Variants in NCBP3 observed in about 807,000 individuals in gnomAD.
NCBP3 encodes the protein nuclear cap-binding protein subunit 3.
A neutral mutation model predicts 75.7 loss-of-function variants in NCBP3; 20 were observed. That is an observed-to-expected ratio of 0.26 (90% CI 0.19 to 0.38). The LOEUF is 0.38. Ranked by LOEUF, NCBP3 falls within the 10% of genes least tolerant of loss-of-function variation. NCBP3 has a pLI of 1.00. For missense variants in NCBP3, 678 were observed against 796.9 expected, an observed-to-expected ratio of 0.85 and a Z score of 1.80; for synonymous variants, 293 against 290.5, an observed-to-expected ratio of 1.01 and a Z score of -0.09.
chr17:3,829,789 C>G (rs1232482494), intron 3 of NCBP3, among the ~76,000 whole-genome samples: 1 of 152,044 alleles, frequency 6.6e-6, no homozygotes, highest in Non-Finnish European at 1.5e-5. Flanking sequence ...CTGCCCGTGA[C>G]TATGTCAAAG....
chr17:3,810,265 G>C lies in NCBP3; in HGVS notation c.*2779C>G, dbSNP rs1001666995. On this transcript the variant is annotated 3_prime_UTR_variant, in exon 13 of 13. Transcript: ENST00000389005. ...GCTGCTGTACAAATGCAGCTGGAAAGGGCAGTGGCTGAAGAACGGAGAGGG... is the reference window on the plus strand; with the variant it reads ...GCTGCTGTACAAATGCAGCTGGAAACGGCAGTGGCTGAAGAACGGAGAGGG... 6.6e-6 allele frequency: 1 copy of C among 152,302 alleles called. No individual in the cohort carries two copies. The highest frequency in any genetic ancestry group is 1.5e-5 in the Non-Finnish European group (1 of 68,100). 9.4% of individuals were successfully genotyped at this position (152,302 alleles called of 1,614,324 possible). A position where few individuals can be genotyped will look rare whatever the true frequency, so the allele number is the denominator to read the frequency against.
At chr17:3,819,999 T>C (rs1597397099) in intron 9 of NCBP3, among the ~76,000 whole-genome samples, 1 of 152,294 alleles carries the variant, frequency 6.6e-6, no homozygotes. Context: ...GTCGCCCAGG[T>C]TGGAATACAG....
intron 3 of NCBP3, among the ~76,000 whole-genome samples, chr17:3,832,578 C>T (rs2053902955): frequency 6.8e-6 from 1 of 147,516 alleles, no homozygotes; most frequent in Admixed American, 6.8e-5. Flanking sequence ...TTGCAGTGAG[C>T]CGAGATCGCA....
rs1315785522 is a variant in NCBP3, at chr17:3,811,470, C to T, written c.*1574G>A. 6.6e-6 allele frequency: 1 copy of T among 152,222 alleles called. No homozygotes were observed. Among genetic ancestry groups the T allele is most frequent in the Non-Finnish European group, 1.5e-5 (1 of 68,052 alleles). The allele number at this position is 152,222 out of a possible 1,614,324, so 9.4% of individuals were successfully genotyped here. A position where few individuals can be genotyped will look rare whatever the true frequency, so the allele number is the denominator to read the frequency against. On this transcript the variant is annotated 3_prime_UTR_variant, in exon 13 of 13. Transcript: ENST00000389005. ...ATCATGGTTATATCCTCTAATCTCT[C>T]TAAAGGGAGGGAGAAAAAGCAAGGT...
intron 11 of NCBP3, 37 bp downstream of exon 11, chr17:3,816,079 T>C: frequency 6.3e-7 from 1 of 1,593,464 alleles, no homozygotes. Flanking sequence ...TTTCCGGAGC[T>C]CAGAATCCAG....
At chr17:3,831,060 C>T (rs772609516) in intron 3 of NCBP3, among the ~76,000 whole-genome samples, 4 of 151,312 alleles carry the variant, frequency 2.6e-5, no homozygotes, top group Admixed American at 1.3e-4. Flanking sequence ...TACAGGCATG[C>T]GCCACCACGC....
chr17:3,835,289 T>C (rs1057146597), intron 3 of NCBP3, among the ~76,000 whole-genome samples: 4 of 152,238 alleles, frequency 2.6e-5, no homozygotes, highest in African/African-American at 9.6e-5. Context: ...AAGACCTAAG[T>C]GCTTTGGCTG....
chr17:3,803,615 G>A lies in NCBP3; in HGVS notation c.*9429C>T, dbSNP rs1199804684. On this transcript the variant is annotated 3_prime_UTR_variant, in exon 13 of 13. Coordinates refer to ENST00000389005, the MANE Select transcript of NCBP3 (RefSeq NM_001114118.3). The stretch of plus-strand genomic sequence containing the variant: ...AGAGAGGATAGGAAGAAACAGGGGT[G>A]AGGGAGAAGAGGAGGGAACGAATGA... 6.6e-6 allele frequency: 1 copy of A among 152,276 alleles called. No homozygotes were observed. Among genetic ancestry groups the A allele is most frequent in the African/African-American group, 2.4e-5 (1 of 41,466 alleles). 9.4% of individuals were successfully genotyped at this position (152,276 alleles called of 1,614,324 possible). A position where few individuals can be genotyped will look rare whatever the true frequency, so the allele number is the denominator to read the frequency against.
At chr17:3,832,409 A>G (rs555060314) in intron 3 of NCBP3, among the ~76,000 whole-genome samples, 2,579 of 118,196 alleles carry the variant, frequency 0.022, 233 homozygotes, top group African/African-American at 0.057. Flanking sequence ...CGGGGCGGGC[A>G]GATCACAAGG....
intron 7 of NCBP3, chr17:3,822,903 A>G (rs1213461017): frequency 6.6e-6 from 1 of 152,224 alleles, no homozygotes; most frequent in African/African-American, 2.4e-5. Context: ...ATGAGTCTGG[A>G]AAAGCAAGAT....
At chr17:3,814,657 T>A (rs1342407000) in intron 11 of NCBP3, among the ~76,000 whole-genome samples, 174 bp from the exon 12 acceptor site, 1 of 152,134 alleles carries the variant, frequency 6.6e-6, no homozygotes, top group Admixed American at 6.6e-5. Flanking sequence ...CTTAGGAAAA[T>A]TCGGACATAG....
Position 3,810,059 on chromosome 17 carries a change from AGT to A in NCBP3, c.*2983_*2984del, listed in dbSNP as rs1567575791. On this transcript the variant is annotated 3_prime_UTR_variant, in exon 13 of 13. Transcript: ENST00000389005. ...ACTCAGGGTTTCTTTGGGTGATCAA[AGT>A]GTTTTAAAATTGATTACGGTGCTGG... 6.6e-6 allele frequency: 1 copy of A among 152,206 alleles called. No individual in the cohort carries two copies. Among genetic ancestry groups the A allele is most frequent in the Non-Finnish European group, 1.5e-5 (1 of 68,044 alleles). The allele number at this position is 152,206 out of a possible 1,614,324, so 9.4% of individuals were successfully genotyped here.
intron 7 of NCBP3, chr17:3,822,427 A>G (rs1474169547): frequency 6.0e-6 from 1 of 166,788 alleles, no homozygotes; most frequent in African/African-American, 2.4e-5. Context: ...ATGAAAGATG[A>G]TATTCACTTC....
In NCBP3 at chr17:3,818,641, A is replaced by G. The variant is rs1019444897; in HGVS notation, c.1001-69T>C. 4 of 1,498,596 alleles carry G rather than the reference A, an allele frequency of 2.7e-6. No individual in the cohort carries two copies. Among genetic ancestry groups the G allele is most frequent in the Non-Finnish European group, 3.6e-6 (4 of 1,126,448 alleles). The allele number at this position is 1,498,596 out of a possible 1,614,324, so 92.8% of individuals were successfully genotyped here. On this transcript the variant is annotated intron_variant, in intron 9 of 12. Coordinates refer to ENST00000389005, the MANE Select transcript of NCBP3 (RefSeq NM_001114118.3). This position sits in a 1 kb window ranked among gnomAD's most constrained non-coding sequence, Gnocchi z 4.7. ...TAACAAGTATGATTTTCTACTCTAC[A>G]TCGGTGACCTTTTTAAAAGGTGGGG... is the stretch of plus-strand genomic sequence containing the variant.
At chr17:3,815,705 T>C (rs113219746) in intron 11 of NCBP3, among the ~76,000 whole-genome samples, 53 of 152,256 alleles carry the variant, frequency 3.5e-4, no homozygotes, top group African/African-American at 1.3e-3. Flanking sequence ...CAACACAGGA[T>C]AAGAATTTAT....
In NCBP3 at chr17:3,802,692, G is replaced by C. The variant is rs1208861925; in HGVS notation, c.*10352C>G. The stretch of plus-strand genomic sequence containing the variant: ...TTCTGCGCTCCAAGGGCACTGGGGA[G>C]AGTCACAGTGGTCTCCTCTCCCCCG... On this transcript the variant is annotated 3_prime_UTR_variant, in exon 13 of 13. Coordinates refer to ENST00000389005, the MANE Select transcript of NCBP3 (RefSeq NM_001114118.3). 3 of 152,398 alleles carry C rather than the reference G, an allele frequency of 2.0e-5. No individual in the cohort carries two copies. The highest frequency in any genetic ancestry group is 3.9e-4 in the East Asian group (2 of 5,184). 9.4% of individuals were successfully genotyped at this position (152,398 alleles called of 1,614,324 possible).
rs148863940 is a variant in NCBP3 at position 3,803,902 on chromosome 17, G to C, written c.*9142C>G. 0.03 allele frequency: 4,494 copies of C among 151,812 alleles called. 146 individuals carry two copies. Among genetic ancestry groups the C allele is most frequent in the Admixed American group, 0.089 (1,355 of 15,262 alleles). 9.4% of individuals were successfully genotyped at this position (151,812 alleles called of 1,614,324 possible). ...CATCCTGGCTAACACGGTGAAACCC[G>C]GTCTCTACTAAAAATACAAAAAAAA... On this transcript the variant is annotated 3_prime_UTR_variant, in exon 13 of 13. Transcript: ENST00000389005.
Position 3,812,987 on chromosome 17 carries a change from C to T in NCBP3, c.*57G>A. The T allele has an allele frequency of 3.1e-6, 5 of 1,608,304 alleles. No individual in the cohort carries two copies. Among genetic ancestry groups the T allele is most frequent in the Non-Finnish European group, 3.4e-6 (4 of 1,176,884 alleles). On this transcript the variant is annotated 3_prime_UTR_variant, in exon 13 of 13. Transcript: ENST00000389005. ...CTGCGGGGGAGGTTCCTACTGCGCG[C>T]CCCACCCTGTGCAAGAATGTCAGGC...
chr17:3,826,045 A>G, intron 5 of NCBP3, 42 bp downstream of exon 5: 2 of 1,538,722 alleles, frequency 1.3e-6, no homozygotes, highest in Non-Finnish European at 1.8e-6. Context: ...CTGTGTAAAG[A>G]AGAGGACTTT....
Sources: allele counts gnomAD v4.1 joint callset (sites outside exome capture counted in the v4.1 genomes callset), GRCh38; gene constraint gnomAD v4.1.1; non-coding constraint Gnocchi (gnomAD v3.1); transcripts MANE v1.5; gene names NCBI Gene and HGNC (gene_info 2026-07-23, HGNC 2026-07-21).